The following GRM8 variants were observed in gnomAD, a reference collection of about 807,000 sequenced individuals.
The protein encoded by GRM8 is metabotropic glutamate receptor 8.
In GRM8, 47 loss-of-function variants were observed where a neutral mutation model predicts 87.2. The observed-to-expected ratio is 0.54, with a 90% confidence interval of 0.43 to 0.69. GRM8 has a LOEUF of 0.69. Among genes scored for constraint, GRM8 ranks in the 30% least tolerant of loss-of-function variants. The pLI is 0.00. For synonymous variants in GRM8, 396 were observed against 404.5 expected (o/e 0.98, Z 0.25); for missense variants, 1,019 against 1,139.2 (o/e 0.89, Z 1.52).
chr7:126,638,627 T>C (rs1802079355), intron 7 of GRM8, among the ~76,000 whole-genome samples: 1 of 152,130 alleles, frequency 6.6e-6, no homozygotes, highest in South Asian at 2.1e-4. Context: ...TGGAGTACCA[T>C]AGAGAGGGCC....
chr7:126,988,006 C>T (rs1190448241), intron 3 of GRM8, among the ~76,000 whole-genome samples: 1 of 151,974 alleles, frequency 6.6e-6, no homozygotes, highest in Non-Finnish European at 1.5e-5. Context: ...ATGAATGGTC[C>T]TCTCCATCTT....
intron 6 of GRM8, among the ~76,000 whole-genome samples, chr7:126,848,629 T>A (rs1563246296): frequency 6.6e-6 from 1 of 152,038 alleles, no homozygotes; most frequent in East Asian, 1.9e-4. Context: ...GAGACCAGCC[T>A]GGGCAACATG....
intron 7 of GRM8, among the ~76,000 whole-genome samples, chr7:126,710,777 C>T (rs1811018295): frequency 3.3e-5 from 5 of 152,196 alleles, no homozygotes. Flanking sequence ...CGTGAATGTT[C>T]TTAATGGCAT....
At chr7:127,212,489 C>A (rs1796276933) in intron 2 of GRM8, among the ~76,000 whole-genome samples, 1 of 142,200 alleles carries the variant, frequency 7.0e-6, no homozygotes, top group Non-Finnish European at 1.5e-5. Flanking sequence ...GGGATCTCGG[C>A]TCACTGCAAG....
chr7:126,825,898 G>A (rs1245765000), intron 6 of GRM8, among the ~76,000 whole-genome samples: 1 of 142,574 alleles, frequency 7.0e-6, no homozygotes, highest in Non-Finnish European at 1.5e-5. Flanking sequence ...AGTCCCCAGA[G>A]TGTGATGTTC....
chr7:127,127,117 T>C (rs1464265780), intron 2 of GRM8, among the ~76,000 whole-genome samples: 1 of 151,962 alleles, frequency 6.6e-6, no homozygotes, highest in Non-Finnish European at 1.5e-5. Context: ...TACATTGCAG[T>C]TGAGAATGCA....
At chr7:126,448,581 A>G (rs1043821713) in intron 9 of GRM8, among the ~76,000 whole-genome samples, 1 of 151,940 alleles carries the variant, frequency 6.6e-6, no homozygotes, top group African/African-American at 2.4e-5. Flanking sequence ...AGCCAACTCA[A>G]TGAAAGATGT....
intron 9 of GRM8, among the ~76,000 whole-genome samples, chr7:126,506,000 T>C (rs1810408358): frequency 6.6e-6 from 1 of 151,982 alleles, no homozygotes; most frequent in Non-Finnish European, 1.5e-5. Flanking sequence ...ATTCCTCTCC[T>C]CCTCCTAGCC....
At chr7:127,017,895 AT>A (rs749872416) in intron 3 of GRM8, among the ~76,000 whole-genome samples, 2 of 152,156 alleles carry the variant, frequency 1.3e-5, no homozygotes, top group African/African-American at 2.4e-5. Flanking sequence ...AAAGAAATGC[AT>A]TTTTTTAAAA....
chr7:126,941,472 T>A (rs1806929552), intron 3 of GRM8, among the ~76,000 whole-genome samples: 1 of 148,626 alleles, frequency 6.7e-6, no homozygotes, highest in Admixed American at 6.7e-5. Context: ...TACAAAATAT[T>A]AGCCGGGAGT....
intron 9 of GRM8, among the ~76,000 whole-genome samples, chr7:126,522,866 T>G (rs1362178): frequency 1.3e-5 from 2 of 152,068 alleles, no homozygotes; most frequent in African/African-American, 4.8e-5. Flanking sequence ...GACCAGTCAC[T>G]TCTGTGCTTG....
chr7:126,787,768 C>T (rs1231096139), intron 6 of GRM8, among the ~76,000 whole-genome samples: 3 of 151,912 alleles, frequency 2.0e-5, no homozygotes, highest in East Asian at 3.9e-4. Context: ...TTTTTTATTT[C>T]TATTTCTGGA....
At chr7:126,459,079 G>T (rs1233457627) in intron 9 of GRM8, among the ~76,000 whole-genome samples, 1 of 150,540 alleles carries the variant, frequency 6.6e-6, no homozygotes, top group Non-Finnish European at 1.5e-5. Context: ...CGATAAGACA[G>T]AAAACTATAG....
chr7:126,798,360 T>C (rs1290554180), intron 6 of GRM8, among the ~76,000 whole-genome samples: 1 of 152,146 alleles, frequency 6.6e-6, no homozygotes. Context: ...TCCAGAAGTC[T>C]AAGGCAAAGA....
chr7:127,236,465 C>A (rs1797986796), intron 2 of GRM8, among the ~76,000 whole-genome samples: 1 of 152,158 alleles, frequency 6.6e-6, no homozygotes, highest in African/African-American at 2.4e-5. Flanking sequence ...AAGCAAGAAA[C>A]CTTCTTCACA....
intron 3 of GRM8, among the ~76,000 whole-genome samples, chr7:127,060,811 CA>C (rs11397438): frequency 1.7e-4 from 25 of 149,446 alleles, no homozygotes; most frequent in South Asian, 8.4e-4. Flanking sequence ...ATGCATGTAG[CA>C]AAAAAAAAAA....
intron 3 of GRM8, among the ~76,000 whole-genome samples, chr7:126,933,152 C>CAGCT (rs1332902163): frequency 2.0e-5 from 3 of 152,204 alleles, no homozygotes; most frequent in Non-Finnish European, 4.4e-5. Flanking sequence ...ATCACAAACA[C>CAGCT]AGCTGCAATG....
At chr7:127,100,749 A>G (rs981006006) in intron 3 of GRM8, among the ~76,000 whole-genome samples, 13 of 151,014 alleles carry the variant, frequency 8.6e-5, no homozygotes, top group African/African-American at 2.4e-4. Context: ...CCCATGATTC[A>G]ATGATCTCCA....
intron 3 of GRM8, among the ~76,000 whole-genome samples, chr7:127,086,240 G>A (rs1415807753): frequency 1.3e-5 from 2 of 152,042 alleles, no homozygotes; most frequent in Non-Finnish European, 2.9e-5. Flanking sequence ...AGCTGGGACT[G>A]CAGGCACACG....
Sources: gnomAD v4.1 joint callset for allele counts (sites outside exome capture counted in the v4.1 genomes callset) on GRCh38, gnomAD v4.1.1 for gene constraint, MANE v1.5 for transcripts, NCBI Gene and HGNC (gene_info 2026-07-23, HGNC 2026-07-21) for gene names.